The following TAF1D variants were observed in gnomAD, a reference collection of about 807,000 sequenced individuals.
TAF1D encodes the protein TATA box-binding protein-associated factor RNA polymerase I subunit D.
A neutral mutation model predicts 26.2 loss-of-function variants in TAF1D; 23 were observed. The ratio of observed to expected loss-of-function variants is 0.88; its 90% CI spans 0.63 to 1.25. The LOEUF (loss-of-function observed/expected upper bound fraction) is 1.25, where lower values mean the gene tolerates loss of function less well. TAF1D is among the 50% of genes most tolerant of loss of function. The pLI, the probability that TAF1D is intolerant of heterozygous loss-of-function variation, is 0.00. For missense variants in TAF1D, 299 were observed against 322.0 expected, an observed-to-expected ratio of 0.93 and a Z score of 0.55; for synonymous variants, 100 against 105.6, an observed-to-expected ratio of 0.95 and a Z score of 0.33.
At chr11:93,740,177 G>A (rs1298147920) in intron 1 of TAF1D, among the ~76,000 whole-genome samples, 3 of 151,496 alleles carry the variant, frequency 2.0e-5, no homozygotes, top group Admixed American at 6.6e-5. Flanking sequence ...GAATAGTGGC[G>A]CGCGCCTGTG....
At chr11:93,732,972 A>G (rs540573085), downstream of TAF1D, 14 of 311,744 alleles carry the variant, frequency 4.5e-5, no homozygotes, top group South Asian at 3.6e-4. Context: ...ATACATTGTA[A>G]TATTTTTGCC....
intron 1 of TAF1D, among the ~76,000 whole-genome samples, chr11:93,739,972 A>G (rs557001176): frequency 6.6e-6 from 1 of 150,850 alleles, no homozygotes; most frequent in African/African-American, 2.4e-5. Context: ...AAAAAAAAAA[A>G]AAAAAAAAAA....
downstream of TAF1D, chr11:93,733,304 A>G: frequency 1.9e-6 from 1 of 519,192 alleles, no homozygotes; most frequent in South Asian, 1.4e-5. Context: ...TCTGAACTGT[A>G]ATCATTATTT....
chr11:93,735,655 C>G lies in TAF1D; in HGVS notation c.*506G>C. 3 of 984,550 alleles carry G rather than the reference C, an allele frequency of 3.0e-6. No homozygotes were observed. Among genetic ancestry groups the G allele is most frequent in the East Asian group, 1.1e-4 (1 of 9,020 alleles). The allele number at this position is 984,550 out of a possible 1,614,324, so 61.0% of individuals were successfully genotyped here. On this transcript the variant is annotated 3_prime_UTR_variant, in exon 6 of 6. Transcript: ENST00000448108. ...TTGCACTACAGCCTGGGTGACAGAT[C>G]GAGACTCTGTCTAAAAAAAATAGTA...
chr11:93,732,893 G>C (rs1939570435), downstream of TAF1D: 2 of 233,922 alleles, frequency 8.5e-6, no homozygotes, highest in Non-Finnish European at 1.7e-5. Flanking sequence ...ATGATGCAAA[G>C]AACACAGGTA....
In TAF1D at chr11:93,737,096, A is replaced by G. The variant is rs777133944; in HGVS notation, c.603T>C (p.Asp201=). 2 of 1,608,634 alleles carry G rather than the reference A, an allele frequency of 1.2e-6. No individual in the cohort carries two copies. Among genetic ancestry groups the G allele is most frequent in the Admixed American group, 1.7e-5 (1 of 58,978 alleles). ...CCTCAATAGGAGAAATGGATCCATC[A>G]TCATCCAAAAATTTGTATCTACGAC... The part of the protein sequence containing the change: ...FDSRRYKFLD[D]DGSISPIEES... The change falls in exon 4 of 6, where the codon GAT becomes GAC. Residue 201 remains aspartate, a synonymous_variant. Transcript: ENST00000448108.
chr11:93,731,733 T>TA, downstream of TAF1D: 2 of 354,526 alleles, frequency 5.6e-6, no homozygotes, highest in Non-Finnish European at 1.1e-5. Context: ...CATGGCCTTT[T>TA]AAGTAATGAA....
chr11:93,740,447 A>G (rs1482754634), intron 1 of TAF1D, among the ~76,000 whole-genome samples: 1 of 137,094 alleles, frequency 7.3e-6, no homozygotes, highest in African/African-American at 3.3e-5. Context: ...AAAAAAAAAA[A>G]AAAAAAAAAA....
intron 5 of TAF1D, 56 bp downstream of exon 5, chr11:93,736,638 G>GT (rs1262553142): frequency 3.1e-6 from 5 of 1,596,912 alleles, no homozygotes; most frequent in African/African-American, 1.4e-5. Flanking sequence ...AATTCCTTCT[G>GT]TATCAACCAA....
chr11:93,740,102 A>C (rs1941574079), intron 1 of TAF1D, among the ~76,000 whole-genome samples: 1 of 151,746 alleles, frequency 6.6e-6, no homozygotes, highest in Non-Finnish European at 1.5e-5. Context: ...TGAGCCCAGG[A>C]GCTCAAGACC....
At chr11:93,737,026 T>G in intron 4 of TAF1D, 38 bp downstream of exon 4, 2 of 1,492,586 alleles carry the variant, frequency 1.3e-6, no homozygotes, top group Non-Finnish European at 1.8e-6. Flanking sequence ...ATTTAATTTA[T>G]AACCTATTAC....
chr11:93,738,512 GA>G lies in TAF1D; in HGVS notation c.69-14del, dbSNP rs781447960. 122 of 1,540,438 alleles carry G rather than the reference GA, an allele frequency of 7.9e-5. No individual in the cohort carries two copies. The highest frequency in any genetic ancestry group is 7.0e-4 in the Middle Eastern group (4 of 5,714). On this transcript the variant is annotated splice_polypyrimidine_tract_variant and intron_variant, in intron 2 of 5. Transcript: ENST00000448108. The stretch of plus-strand genomic sequence containing the variant: ...AGAAGAGTTATCACTAGAAAAATGG[GA>G]AAAAAATTAATTTCATCTTCTTTTC...
downstream of TAF1D, chr11:93,730,796 A>T (rs906859279): frequency 4.1e-5 from 17 of 410,278 alleles, no homozygotes; most frequent in Non-Finnish European, 6.2e-5. Flanking sequence ...CCCTAGAACG[A>T]GCCTGAGTTA....
downstream of TAF1D, chr11:93,733,435 G>A: frequency 1.9e-6 from 1 of 518,520 alleles, no homozygotes; most frequent in South Asian, 1.4e-5. Flanking sequence ...TTTTCATAAC[G>A]TTTAGCAACC....
chr11:93,735,014 T>C (rs1210238509), downstream of TAF1D: 8 of 1,217,284 alleles, frequency 6.6e-6, no homozygotes, highest in Middle Eastern at 3.8e-4. Flanking sequence ...TACTCCCACC[T>C]TGGTGTGGGG....
rs1310045395 is a variant in TAF1D at position 93,736,185 on chromosome 11, A to T, written c.813T>A (p.Thr271=). The T allele has an allele frequency of 1.2e-6, 2 of 1,613,552 alleles. No individual in the cohort carries two copies. Among genetic ancestry groups the T allele is most frequent in the Admixed American group, 1.7e-5 (1 of 59,982 alleles). ...GTCACATTTTCAGGCCTCTCTGTCC[A>T]GTATTTTTGGCTTTTGTAGCTCTCT... The part of the protein sequence containing the change: ...SKKRATKAKN[T]GQRGLKM Residue 271 remains threonine, a synonymous_variant, in exon 6 of 6, where the codon ACT becomes ACA. Transcript: ENST00000448108.
At chr11:93,734,443 A>G (rs749273740), downstream of TAF1D, 14 of 329,404 alleles carry the variant, frequency 4.3e-5, no homozygotes, top group Non-Finnish European at 6.6e-5. Flanking sequence ...GCTTGCAACT[A>G]AAATGAATCT....
Position 93,738,426 on chromosome 11 carries a change from G to A in TAF1D, c.142C>T (p.Pro48Ser), listed in dbSNP as rs200454172. ...GGTGTACGAACAAATTTTCGAATGG[G>A]GTTTCTTTTCTCCCCTTTAGGTGAG... is the stretch of plus-strand genomic sequence containing the variant. ...PYSPKGEKRN[P>S]IRKFVRTPES... The change falls in exon 3 of 6, where the codon CCC (proline) becomes TCC (serine). Residue 48 changes from proline to serine, a missense_variant. Coordinates refer to ENST00000448108, the MANE Select transcript of TAF1D (RefSeq NM_024116.4). The A allele has an allele frequency of 8.7e-6, 14 of 1,612,132 alleles. No individual in the cohort carries two copies. The African/African-American group carries it at 1.7e-4, about 20-fold the overall frequency.
Position 93,738,286 on chromosome 11 carries a change from CTTTTT to C in TAF1D, c.277_281del (p.Lys93GlufsTer28). On this transcript the variant is annotated frameshift_variant, in exon 3 of 6. Transcript: ENST00000448108. LOFTEE classifies it high-confidence loss of function. ...CTGTTGGCTGGTACCTCCTCTTTTT[CTTTTT>C]TTTATATCTCTTTTTCCTGTTCTTG... 1 of 1,608,286 alleles carries C rather than the reference CTTTTT, an allele frequency of 6.2e-7. No homozygotes were observed. The highest frequency in any genetic ancestry group is 8.5e-7 in the Non-Finnish European group (1 of 1,178,610).
Sources: allele counts gnomAD v4.1 joint callset (sites outside exome capture counted in the v4.1 genomes callset), GRCh38; gene constraint gnomAD v4.1.1; transcripts MANE v1.5; gene names NCBI Gene and HGNC (gene_info 2026-07-23, HGNC 2026-07-21).